Variants in USP34 observed in about 807,000 individuals in gnomAD.
USP34 encodes ubiquitin carboxyl-terminal hydrolase 34.
USP34 carries 70 observed loss-of-function variants against 460.3 expected under a neutral mutation model. The ratio of observed to expected loss-of-function variants is 0.15; its 90% CI spans 0.13 to 0.19. The LOEUF is 0.19. USP34 is among the 10% of genes least tolerant of loss of function. The pLI, the probability that USP34 is intolerant of heterozygous loss-of-function variation, is 1.00. For missense variants in USP34, 3,985 were observed against 4,236.2 expected, an observed-to-expected ratio of 0.94 and a Z score of 1.65; for synonymous variants, 1,647 against 1,405.3, an observed-to-expected ratio of 1.17 and a Z score of -3.85.
rs765204162 is a variant in USP34, at chr2:61,246,337, T to C, written c.6535A>G (p.Lys2179Glu). The change falls in exon 50 of 80, where the codon AAA becomes GAA. Residue 2179 changes from lysine to glutamate, a missense_variant. By Grantham distance (56) the Lys-to-Glu change is moderately conservative. Coordinates refer to ENST00000398571, the MANE Select transcript of USP34 (RefSeq NM_014709.4). ...TTTAAAACTCACCATTTATTGTTTTTATAAGCATGGGGATTTACTATATCT... is the reference window on the plus strand; with the variant it reads ...TTTAAAACTCACCATTTATTGTTTTCATAAGCATGGGGATTTACTATATCT... ...IRDIVNPHAY[K>E]NNKWYLFNDA... The C allele has an allele frequency of 2.6e-6, 4 of 1,557,076 alleles. No individual in the cohort carries two copies. The highest frequency in any genetic ancestry group is 4.7e-5 in the East Asian group (2 of 42,916).
chr2:61,451,299 TA>T (rs1163127539), intron 1 of USP34, among the ~76,000 whole-genome samples: 10 of 141,594 alleles, frequency 7.1e-5, no homozygotes, highest in Non-Finnish European at 1.4e-4. Flanking sequence ...GGCACAAAGA[TA>T]AATTATAAAG....
intron 58 of USP34, among the ~76,000 whole-genome samples, chr2:61,231,188 G>A (rs1028099499): frequency 6.6e-6 from 1 of 152,046 alleles, no homozygotes; most frequent in Non-Finnish European, 1.5e-5. Context: ...GGTCAAAATA[G>A]GCAAATCTAT....
Position 61,348,777 on chromosome 2 carries a change from T to A in USP34, c.1653A>T (p.Gln551His), listed in dbSNP as rs762037756. The A allele has an allele frequency of 1.5e-5, 24 of 1,613,042 alleles. No individual in the cohort carries two copies. The highest frequency in any genetic ancestry group is 1.0e-4 in the Admixed American group (6 of 59,704). The change falls in exon 14 of 80, where the codon CAA becomes CAT. Residue 551 changes from glutamine (Q) to histidine (H), a missense_variant. Transcript: ENST00000398571. ...ATACCTCTGTGTCTGAAAGTCGTTG[T>A]TGCACATGTTTGGTTCTATTAATAA... ...EQLINRTKHV[Q>H]QRLSDTEESM...
chr2:61,388,126 C>A (rs930604911), intron 5 of USP34, among the ~76,000 whole-genome samples: 1 of 152,018 alleles, frequency 6.6e-6, no homozygotes, highest in African/African-American at 2.4e-5. Flanking sequence ...GTGGCACACA[C>A]CAGCTATGCA....
intron 27 of USP34, 113 bp from the exon 28 acceptor site, chr2:61,301,567 T>C: frequency 1.1e-6 from 1 of 936,418 alleles, no homozygotes; most frequent in Non-Finnish European, 1.6e-6. Context: ...TTAAATGTAA[T>C]CTAAGGTAAA....
At chr2:61,381,214 A>AAAAT (rs371684636) in intron 6 of USP34, among the ~76,000 whole-genome samples, 9 of 147,036 alleles carry the variant, frequency 6.1e-5, no homozygotes, top group South Asian at 2.1e-4. Context: ...AAAAAAAAAA[A>AAAAT]AAATAAATAA....
intron 76 of USP34, 67 bp from the exon 77 acceptor site, chr2:61,190,725 T>TTACACAGAAAAAACA (rs1170069917): frequency 3.4e-5 from 52 of 1,533,650 alleles, no homozygotes; most frequent in Non-Finnish European, 4.5e-5. Flanking sequence ...CGGAAAAAAC[T>TTACACAGAAAAAACA]TACACAGAAA....
chr2:61,232,422 A>G, intron 58 of USP34, 30 bp downstream of exon 58: 2 of 1,535,152 alleles, frequency 1.3e-6, no homozygotes, highest in Non-Finnish European at 1.8e-6. Context: ...TCTTTTCCAA[A>G]TAATTTTTTT....
At chr2:61,245,189 T>C in intron 51 of USP34, 21 bp downstream of exon 51, 3 of 1,593,636 alleles carry the variant, frequency 1.9e-6, no homozygotes, top group East Asian at 2.2e-5. Context: ...AAACCATTTA[T>C]AATTTCTGAA....
At chr2:61,265,662 T>TA in intron 42 of USP34, 105 bp from the exon 43 acceptor site, 1 of 1,024,134 alleles carries the variant, frequency 9.8e-7, no homozygotes, top group South Asian at 2.5e-5. Context: ...ACCTCATTAA[T>TA]ATATATAGAA....
intron 51 of USP34, among the ~76,000 whole-genome samples, chr2:61,243,748 G>A (rs1205142253): frequency 1.3e-5 from 2 of 151,496 alleles, no homozygotes; most frequent in Admixed American, 1.3e-4. Context: ...GCGCGTGCCT[G>A]TAATCCCAGC....
intron 6 of USP34, among the ~76,000 whole-genome samples, chr2:61,381,287 A>C (rs865924416): frequency 7.2e-5 from 11 of 151,892 alleles, no homozygotes; most frequent in South Asian, 2.1e-4. Context: ...CACACACACA[A>C]AACTACCTAG....
chr2:61,424,216 C>T (rs1045953158), intron 1 of USP34, among the ~76,000 whole-genome samples: 10 of 152,200 alleles, frequency 6.6e-5, no homozygotes, highest in Admixed American at 5.9e-4. Context: ...TATAAATATC[C>T]CATTGCTCCT....
intron 62 of USP34, among the ~76,000 whole-genome samples, chr2:61,226,165 ATAAATATAC>A (rs922699730): frequency 1.3e-5 from 2 of 152,220 alleles, no homozygotes; most frequent in African/African-American, 4.8e-5. Context: ...AACAAAACAT[ATAAATATAC>A]AAAAAATTTT....
At chr2:61,234,705 A>G (rs1027880026) in intron 57 of USP34, among the ~76,000 whole-genome samples, 1 of 152,080 alleles carries the variant, frequency 6.6e-6, no homozygotes, top group African/African-American at 2.4e-5. Flanking sequence ...CAGTGGTGTG[A>G]TCTCAGCTCA....
intron 3 of USP34, among the ~76,000 whole-genome samples, chr2:61,397,491 C>A (rs1693571472): frequency 6.6e-6 from 1 of 151,836 alleles, no homozygotes; most frequent in South Asian, 2.1e-4. Context: ...TTTGGCCAGG[C>A]CCGGTGGCTC....
chr2:61,207,123 G>A, intron 70 of USP34: 1 of 337,756 alleles, frequency 3.0e-6, no homozygotes, highest in Non-Finnish European at 5.3e-6. Flanking sequence ...TGAAGAAATA[G>A]TTTAATCACA....
chr2:61,388,462 A>C (rs1376292073), intron 5 of USP34, among the ~76,000 whole-genome samples: 3 of 151,050 alleles, frequency 2.0e-5, no homozygotes, highest in Admixed American at 1.3e-4. Flanking sequence ...AGTTTAAAAA[A>C]AAAAAAAAAA....
At chr2:61,353,325 A>G (rs1489421733) in intron 10 of USP34, among the ~76,000 whole-genome samples, 1 of 152,184 alleles carries the variant, frequency 6.6e-6, no homozygotes, top group Non-Finnish European at 1.5e-5. Flanking sequence ...GAACAAAACA[A>G]AAAAGGAAAG....
Sources: gnomAD v4.1 joint callset for allele counts (sites outside exome capture counted in the v4.1 genomes callset) on GRCh38, gnomAD v4.1.1 for gene constraint, MANE v1.5 for transcripts, NCBI Gene and HGNC (gene_info 2026-07-23, HGNC 2026-07-21) for gene names.